The following LRRC36 variants were observed in gnomAD, a reference collection of about 807,000 sequenced individuals.
LRRC36 encodes the protein leucine-rich repeat-containing protein 36.
LRRC36 carries 62 observed loss-of-function variants against 81.1 expected under a neutral mutation model. The ratio of observed to expected loss-of-function variants is 0.76; its 90% CI spans 0.62 to 0.94. LRRC36 has a LOEUF of 0.94. Among genes scored for constraint, LRRC36 ranks in the 40% least tolerant of loss-of-function variants. The pLI is 0.00. For synonymous variants in LRRC36, 334 were observed against 348.6 expected (o/e 0.96, Z 0.47); for missense variants, 761 against 881.7 (o/e 0.86, Z 1.73).
intron 13 of LRRC36, among the ~76,000 whole-genome samples, chr16:67,384,380 G>A (rs1324679971): frequency 6.6e-6 from 1 of 152,160 alleles, no homozygotes; most frequent in Non-Finnish European, 1.5e-5. Context: ...GTTGCAGTGA[G>A]CCAAGATCCC....
At chr16:67,337,983 C>G (rs902773844) in intron 1 of LRRC36, among the ~76,000 whole-genome samples, 1 of 151,810 alleles carries the variant, frequency 6.6e-6, no homozygotes, top group African/African-American at 2.4e-5. Flanking sequence ...ACTTGGGAGG[C>G]TGAGGCAGGA....
intron 1 of LRRC36, among the ~76,000 whole-genome samples, chr16:67,332,976 C>T (rs548900154): frequency 6.6e-5 from 10 of 151,958 alleles, no homozygotes; most frequent in Non-Finnish European, 1.2e-4. Flanking sequence ...ACTGCAGTCC[C>T]GACCTCCTGG....
At chr16:67,329,856 T>G (rs1305234912) in intron 1 of LRRC36, among the ~76,000 whole-genome samples, 1 of 152,084 alleles carries the variant, frequency 6.6e-6, no homozygotes, top group Non-Finnish European at 1.5e-5. Flanking sequence ...AGACGGAGGT[T>G]GTAGTGAGCT....
At chr16:67,382,109 C>T (rs374764770) in intron 12 of LRRC36, 24 bp from the exon 13 acceptor site, 202 of 1,455,070 alleles carry the variant, frequency 1.4e-4, no homozygotes, top group Non-Finnish European at 1.3e-4. Flanking sequence ...TCCTTTTCAC[C>T]CCTGGCTACT....
intron 9 of LRRC36, among the ~76,000 whole-genome samples, chr16:67,373,017 A>G (rs1033443945): frequency 6.6e-6 from 1 of 152,202 alleles, no homozygotes; most frequent in African/African-American, 2.4e-5. Flanking sequence ...TATATTAATC[A>G]GACATGCTCT....
In LRRC36 at chr16:67,385,154, AG is replaced by A. The variant is rs1597518919; in HGVS notation, c.*66del. ...AGAGGCTCTCACCGCCATTGCCACCAGTATGGTGGTATGTACTCACAAAGAT... is the reference window on the plus strand; with the variant it reads ...AGAGGCTCTCACCGCCATTGCCACCATATGGTGGTATGTACTCACAAAGAT... On this transcript the variant is annotated 3_prime_UTR_variant, in exon 14 of 14. Transcript: ENST00000329956. 2.1e-5 allele frequency: 25 copies of A among 1,210,306 alleles called. No individual in the cohort carries two copies. Among genetic ancestry groups the A allele is most frequent in the African/African-American group, 3.0e-5 (2 of 66,264 alleles). The allele number at this position is 1,210,306 out of a possible 1,614,324, so 75.0% of individuals were successfully genotyped here. A position where few individuals can be genotyped will look rare whatever the true frequency, so the allele number is the denominator to read the frequency against.
At chr16:67,356,784 T>C (rs1442266010) in intron 5 of LRRC36, among the ~76,000 whole-genome samples, 1 of 152,084 alleles carries the variant, frequency 6.6e-6, no homozygotes, top group African/African-American at 2.4e-5. Context: ...AACACTTTAG[T>C]TGGGCATTAA....
Position 67,341,048 on chromosome 16 carries a change from GTACTCTACA to G in LRRC36, c.71-906_71-898del, listed in dbSNP as rs1273313182. Among the ~76,000 whole-genome samples, 130 of 115,040 alleles carry G rather than the reference GTACTCTACA, an allele frequency of 1.1e-3. 1 individual carries two copies. The highest frequency in any genetic ancestry group is 4.4e-3 in the African/African-American group (121 of 27,580). The allele number at this position is 115,040 out of a possible 152,430, so 75.5% of individuals were successfully genotyped here. On this transcript the variant is annotated intron_variant, in intron 1 of 13. Coordinates refer to ENST00000329956, the MANE Select transcript of LRRC36 (RefSeq NM_018296.6). ...GTACTCTACATATTCTATAGAATAT[GTACTCTACA>G]TATTCTATAGAATATGTACTCTACA...
chr16:67,355,656 G>A (rs1365802195), intron 5 of LRRC36, among the ~76,000 whole-genome samples: 1 of 152,114 alleles, frequency 6.6e-6, no homozygotes, highest in Admixed American at 6.5e-5. Flanking sequence ...TTACAGGCGT[G>A]AGCCACCGCG....
chr16:67,336,800 C>T (rs1389928910), intron 1 of LRRC36: 1 of 150,834 alleles, frequency 6.6e-6, no homozygotes, highest in East Asian at 1.9e-4. Context: ...GGTAATCTTA[C>T]TTTGTTGCCT....
intron 13 of LRRC36, among the ~76,000 whole-genome samples, chr16:67,383,438 C>T (rs374302423): frequency 6.6e-6 from 1 of 152,156 alleles, no homozygotes; most frequent in Non-Finnish European, 1.5e-5. Context: ...ACTCGAAGGA[C>T]GTGTTGAAAT....
intron 5 of LRRC36, chr16:67,362,132 A>G (rs1201989769): frequency 4.8e-6 from 2 of 415,874 alleles, no homozygotes; most frequent in East Asian, 8.5e-5. Context: ...ACACAAAATA[A>G]CATACAGAGT....
chr16:67,371,228 G>A lies in LRRC36; in HGVS notation c.1480G>A (p.Ala494Thr). The A allele has an allele frequency of 6.2e-7, 1 of 1,614,208 alleles. No homozygotes were observed. Among genetic ancestry groups the A allele is most frequent in the Non-Finnish European group, 8.5e-7 (1 of 1,180,044 alleles). Residue 494 changes from alanine (A) to threonine (T), a missense_variant, in exon 9 of 14, where the codon GCT (alanine) becomes ACT (threonine). Ala to Thr is a moderately conservative substitution (Grantham distance 58). Transcript: ENST00000329956. ...NLNLKHGFQD[A>T]TGSEPLSSDL... ...GAATCTAAAGCATGGTTTCCAAGAT[G>A]CTACAGGCAGCGAGGCAAGTGTTGG...
chr16:67,384,627 C>G (rs551561578), intron 13 of LRRC36, among the ~76,000 whole-genome samples: 1 of 152,074 alleles, frequency 6.6e-6, no homozygotes, highest in Non-Finnish European at 1.5e-5. Flanking sequence ...ACAGAACAAC[C>G]GCTAGCTATA....
chr16:67,353,368 A>AT (rs1324751324), intron 5 of LRRC36, among the ~76,000 whole-genome samples: 1 of 151,288 alleles, frequency 6.6e-6, no homozygotes, highest in African/African-American at 2.4e-5. Flanking sequence ...TTCTTTTTTT[A>AT]TTTTTTGTTT....
chr16:67,366,327 T>C (rs1424526716), intron 7 of LRRC36, among the ~76,000 whole-genome samples: 1 of 152,022 alleles, frequency 6.6e-6, no homozygotes, highest in Non-Finnish European at 1.5e-5. Flanking sequence ...AAAAAAATTT[T>C]TTTCGGACCA....
intron 1 of LRRC36, among the ~76,000 whole-genome samples, chr16:67,337,146 T>C (rs553599226): frequency 6.6e-6 from 1 of 152,286 alleles, no homozygotes; most frequent in South Asian, 2.1e-4. Flanking sequence ...CATCTGTTGA[T>C]GGGCATTTGG....
At chr16:67,362,125 C>A in intron 5 of LRRC36, 1 of 390,216 alleles carries the variant, frequency 2.6e-6, no homozygotes, top group Non-Finnish European at 5.0e-6. Flanking sequence ...AAATCTCACA[C>A]AAAATAACAT....
chr16:67,377,024 C>T, intron 11 of LRRC36, 152 bp downstream of exon 11: 1 of 754,134 alleles, frequency 1.3e-6, no homozygotes, highest in Non-Finnish European at 2.0e-6. Context: ...ACAGGGACAA[C>T]TTGGAAGTTC....
Sources: gnomAD v4.1 joint callset for allele counts (sites outside exome capture counted in the v4.1 genomes callset) on GRCh38, gnomAD v4.1.1 for gene constraint, MANE v1.5 for transcripts, NCBI Gene and HGNC (gene_info 2026-07-23, HGNC 2026-07-21) for gene names.